ZHX2: variants seen among roughly 807,000 people sequenced by gnomAD.
ZHX2 encodes the protein zinc fingers and homeoboxes 2.
A neutral mutation model predicts 21.9 loss-of-function variants in ZHX2; 6 were observed. The ratio of observed to expected loss-of-function variants is 0.27; its 90% CI spans 0.15 to 0.54. ZHX2 has a LOEUF of 0.54. ZHX2 is among the 20% of genes least tolerant of loss of function. The pLI, the probability that ZHX2 is intolerant of heterozygous loss-of-function variation, is 0.95. For missense variants in ZHX2, 908 were observed against 1,090.7 expected, an observed-to-expected ratio of 0.83 and a Z score of 2.36; for synonymous variants, 434 against 437.1, an observed-to-expected ratio of 0.99 and a Z score of 0.09.
chr8:122,855,623 C>T (rs1016091301), intron 1 of ZHX2, among the ~76,000 whole-genome samples: 2 of 151,976 alleles, frequency 1.3e-5, no homozygotes, highest in Non-Finnish European at 2.9e-5. Context: ...AGCTATGAGT[C>T]AGTACATTTA....
chr8:122,942,889 T>G (rs1291537344), intron 2 of ZHX2, among the ~76,000 whole-genome samples: 7 of 152,150 alleles, frequency 4.6e-5, no homozygotes, highest in Non-Finnish European at 5.9e-5. Flanking sequence ...GAGTGCTTCT[T>G]GGGGAGCCTT....
At chr8:122,866,607 C>T (rs918862862) in intron 2 of ZHX2, among the ~76,000 whole-genome samples, 4 of 152,140 alleles carry the variant, frequency 2.6e-5, no homozygotes, top group African/African-American at 9.7e-5. Context: ...TGACATCTGC[C>T]AGGTGGCCAC....
At chr8:122,889,233 A>C (rs1819919370) in intron 2 of ZHX2, among the ~76,000 whole-genome samples, 1 of 152,124 alleles carries the variant, frequency 6.6e-6, no homozygotes, top group Non-Finnish European at 1.5e-5. Context: ...TTTCCTTTGG[A>C]TATATACCCA....
intron 2 of ZHX2, among the ~76,000 whole-genome samples, chr8:122,917,791 A>T (rs1820641214): frequency 6.6e-6 from 1 of 152,176 alleles, no homozygotes; most frequent in African/African-American, 2.4e-5. Context: ...GTGCCGTGAC[A>T]TGTCTGGATC....
At chr8:122,843,509 CCCCCACCGTGAGACAG>C (rs1181168759) in intron 1 of ZHX2, among the ~76,000 whole-genome samples, 4 of 152,368 alleles carry the variant, frequency 2.6e-5, no homozygotes, top group African/African-American at 9.6e-5. Flanking sequence ...TGGCCTTTGG[CCCCCACCGTGAGACAG>C]CACTGCTGAG....
At chr8:122,852,191 C>T (rs1032318754) in intron 1 of ZHX2, among the ~76,000 whole-genome samples, 3 of 152,168 alleles carry the variant, frequency 2.0e-5, no homozygotes, top group African/African-American at 7.2e-5. Flanking sequence ...AATCAGTTTA[C>T]TTCTCTGCCT....
At chr8:122,910,637 C>A (rs1323609395) in intron 2 of ZHX2, among the ~76,000 whole-genome samples, 1 of 152,154 alleles carries the variant, frequency 6.6e-6, no homozygotes, top group African/African-American at 2.4e-5. Flanking sequence ...GTCATACTCC[C>A]TCAGGCACGG....
intron 2 of ZHX2, among the ~76,000 whole-genome samples, chr8:122,948,963 T>A (rs1032536676): frequency 6.6e-6 from 1 of 152,152 alleles, no homozygotes; most frequent in Admixed American, 6.5e-5. Context: ...AATTGGTAAA[T>A]CTATTAGCTA....
chr8:122,796,014 T>C (rs560547873), intron 1 of ZHX2, among the ~76,000 whole-genome samples: 1 of 151,938 alleles, frequency 6.6e-6, no homozygotes, highest in East Asian at 1.9e-4. Flanking sequence ...CTACAAAAAA[T>C]ACAAAAATTA....
At chr8:122,822,114 C>T (rs1349918594) in intron 1 of ZHX2, among the ~76,000 whole-genome samples, 1 of 152,172 alleles carries the variant, frequency 6.6e-6, no homozygotes, top group Non-Finnish European at 1.5e-5. Flanking sequence ...AGCAAAGCAG[C>T]TCTACTCTTA....
At chr8:122,797,811 C>A (rs755771014) in intron 1 of ZHX2, among the ~76,000 whole-genome samples, 2 of 152,094 alleles carry the variant, frequency 1.3e-5, no homozygotes, top group Non-Finnish European at 2.9e-5. Flanking sequence ...TCCAGTCTGG[C>A]GTAAAGAAAA....
intron 1 of ZHX2, among the ~76,000 whole-genome samples, chr8:122,802,586 C>T (rs748856): frequency 0.51 from 78,160 of 152,026 alleles, 20,308 homozygotes; most frequent in Admixed American, 0.56. Flanking sequence ...GTGGAAAGCC[C>T]GCATGGTGTT....
At chr8:122,924,295 T>A (rs1487485058) in intron 2 of ZHX2, among the ~76,000 whole-genome samples, 1 of 152,138 alleles carries the variant, frequency 6.6e-6, no homozygotes, top group Non-Finnish European at 1.5e-5. Context: ...ACGGCCATCT[T>A]CTCTCAGTGG....
At chr8:122,943,483 A>G (rs1247323361) in intron 2 of ZHX2, among the ~76,000 whole-genome samples, 1 of 152,202 alleles carries the variant, frequency 6.6e-6, no homozygotes, top group Admixed American at 6.5e-5. Flanking sequence ...CACTTGGCAT[A>G]CACTAAGGCT....
intron 1 of ZHX2, among the ~76,000 whole-genome samples, chr8:122,841,425 CTTGCAGG>C (rs1454635292): frequency 2.6e-5 from 4 of 152,228 alleles, no homozygotes; most frequent in African/African-American, 7.2e-5. Context: ...CTGAGCACAC[CTTGCAGG>C]TGCCAGACAT....
chr8:122,831,606 G>A (rs776648048), intron 1 of ZHX2, among the ~76,000 whole-genome samples: 2 of 152,158 alleles, frequency 1.3e-5, no homozygotes, highest in Non-Finnish European at 2.9e-5. Context: ...ACGGGTTGTA[G>A]GGCCACTTGT....
chr8:122,953,048 T>C lies in ZHX2; in HGVS notation c.1538T>C (p.Ile513Thr), dbSNP rs371741361. The change falls in exon 3 of 4, where the codon ATC (isoleucine) becomes ACC (threonine). Residue 513 changes from isoleucine to threonine, a missense_variant. By Grantham distance (89) the Ile-to-Thr change is moderately conservative. Transcript: ENST00000314393. This position sits in a 1 kb window ranked among gnomAD's most constrained non-coding sequence, Gnocchi z 4.6. ...TCCCTTGCCAAAGACCAGTTGGCCATCGCGGCCTCCCGACACGGTCGCACG... is the reference window on the plus strand; with the variant it reads ...TCCCTTGCCAAAGACCAGTTGGCCACCGCGGCCTCCCGACACGGTCGCACG... The part of the protein sequence containing the change: ...SESLAKDQLA[I>T]AASRHGRTYH... The C allele has an allele frequency of 2.6e-5, 42 of 1,613,920 alleles. No homozygotes were observed. The South Asian group carries it at 3.7e-4, about 14-fold the overall frequency.
rs147724021 is a variant in ZHX2, at chr8:122,857,579, C to G, written c.-282-5898C>G. Among the ~76,000 whole-genome samples, 31 of 152,040 alleles carry G rather than the reference C, an allele frequency of 2.0e-4. No individual in the cohort carries two copies. The East Asian group carries it at 6.0e-3, about 29-fold the overall frequency. On this transcript the variant is annotated intron_variant, in intron 1 of 3. Coordinates refer to ENST00000314393, the MANE Select transcript of ZHX2 (RefSeq NM_014943.5). ...AGCTGGGAACACAGGCTCTTCTGTA[C>G]TCTTGGGGAATCTCAGTTGAAGTTA...
chr8:122,880,031 G>A (rs1819671942), intron 2 of ZHX2, among the ~76,000 whole-genome samples: 1 of 146,848 alleles, frequency 6.8e-6, no homozygotes, highest in Admixed American at 6.9e-5. Context: ...AGAGTACAGT[G>A]GTGCAATCTC....
Sources: gnomAD v4.1 joint callset for allele counts (sites outside exome capture counted in the v4.1 genomes callset) on GRCh38, gnomAD v4.1.1 for gene constraint, Gnocchi (gnomAD v3.1) non-coding constraint, MANE v1.5 for transcripts, NCBI Gene and HGNC (gene_info 2026-07-23, HGNC 2026-07-21) for gene names.